Variants in PDZRN4 observed in about 807,000 individuals in gnomAD.
The protein encoded by PDZRN4 is PDZ domain containing ring finger 4, also known as PDZ domain-containing RING finger protein 4.
PDZRN4 carries 70 observed loss-of-function variants against 99.0 expected under a neutral mutation model. That is an observed-to-expected ratio of 0.71 (90% CI 0.58 to 0.86). The LOEUF is 0.86. Ranked by LOEUF, PDZRN4 falls within the 40% of genes least tolerant of loss-of-function variation. The probability of loss-of-function intolerance (pLI) is 0.00; values close to 1 mark genes in which losing one functional copy is unlikely to be tolerated. For synonymous variants in PDZRN4, 551 were observed against 501.6 expected (o/e 1.10, Z -1.32); for missense variants, 1,474 against 1,331.2 (o/e 1.11, Z -1.67).
intron 3 of PDZRN4, among the ~76,000 whole-genome samples, chr12:41,219,077 A>G (rs1950938286): frequency 6.6e-6 from 1 of 151,694 alleles, no homozygotes; most frequent in African/African-American, 2.4e-5. Flanking sequence ...GTAAAAATAA[A>G]TGGTGTCTGA....
chr12:41,510,696 A>G (rs1435507461), intron 5 of PDZRN4, among the ~76,000 whole-genome samples: 1 of 152,120 alleles, frequency 6.6e-6, no homozygotes, highest in Admixed American at 6.6e-5. Context: ...GATGTCATAC[A>G]AGTTCAGCAA....
chr12:41,286,187 T>G (rs924703925), intron 3 of PDZRN4, among the ~76,000 whole-genome samples: 6 of 152,038 alleles, frequency 3.9e-5, no homozygotes, highest in Non-Finnish European at 5.9e-5. Context: ...TATTTTGTAT[T>G]TAAGTATGCT....
intron 3 of PDZRN4, among the ~76,000 whole-genome samples, chr12:41,502,651 T>C (rs1938131394): frequency 6.6e-6 from 1 of 152,136 alleles, no homozygotes; most frequent in Admixed American, 6.6e-5. Context: ...CTACCTATTT[T>C]AAATGGGACT....
intron 3 of PDZRN4, among the ~76,000 whole-genome samples, chr12:41,280,993 T>G (rs536588595): frequency 6.6e-6 from 1 of 152,144 alleles, no homozygotes; most frequent in Non-Finnish European, 1.5e-5. Context: ...GGTTCCCCTC[T>G]GGGACAAAGC....
At chr12:41,222,278 A>T (rs149376150) in intron 3 of PDZRN4, among the ~76,000 whole-genome samples, 70 of 152,226 alleles carry the variant, frequency 4.6e-4, no homozygotes, top group Middle Eastern at 3.4e-3. Context: ...TTAACTTTTT[A>T]AAAAAATGTT....
chr12:41,384,089 G>A (rs1192895965), intron 3 of PDZRN4, among the ~76,000 whole-genome samples: 3 of 137,792 alleles, frequency 2.2e-5, no homozygotes, highest in East Asian at 2.2e-4. Flanking sequence ...TGCAACCTTC[G>A]CCTCCCGGGT....
intron 7 of PDZRN4, 103 bp downstream of exon 7, chr12:41,555,863 T>C (rs1939151187): frequency 6.1e-6 from 6 of 978,656 alleles, no homozygotes; most frequent in Non-Finnish European, 8.0e-6. Flanking sequence ...GTCTTTGCTT[T>C]TGGATACTAA....
intron 3 of PDZRN4, among the ~76,000 whole-genome samples, chr12:41,324,169 G>T (rs1387908469): frequency 1.3e-5 from 2 of 151,982 alleles, no homozygotes; most frequent in African/African-American, 2.4e-5. Context: ...AAAATGATCT[G>T]ATTTTTCCTT....
chr12:41,249,247 C>T (rs77451740), intron 3 of PDZRN4, among the ~76,000 whole-genome samples: 4 of 152,008 alleles, frequency 2.6e-5, no homozygotes, highest in African/African-American at 9.7e-5. Context: ...TGGCAAAAAT[C>T]GCAAGTACTT....
At chr12:41,282,331 A>G (rs184080789) in intron 3 of PDZRN4, among the ~76,000 whole-genome samples, 9 of 152,366 alleles carry the variant, frequency 5.9e-5, no homozygotes, top group Admixed American at 2.6e-4. Context: ...ACTATCCTAA[A>G]TATATATGCA....
intron 3 of PDZRN4, among the ~76,000 whole-genome samples, chr12:41,215,856 T>TA (rs1950917590): frequency 6.6e-6 from 1 of 151,698 alleles, no homozygotes; most frequent in South Asian, 2.1e-4. Context: ...CCATAGTTTT[T>TA]TTTTTTAATC....
At chr12:41,307,587 A>G (rs1036344512) in intron 3 of PDZRN4, among the ~76,000 whole-genome samples, 11 of 149,130 alleles carry the variant, frequency 7.4e-5, no homozygotes, top group African/African-American at 2.7e-4. Flanking sequence ...TCCTTACATG[A>G]AGAAGGAACT....
intron 5 of PDZRN4, among the ~76,000 whole-genome samples, chr12:41,516,656 T>C (rs763447584): frequency 3.3e-5 from 5 of 152,074 alleles, no homozygotes; most frequent in Non-Finnish European, 7.4e-5. Context: ...CCCTGGTAGA[T>C]AGACATGCTA....
intron 3 of PDZRN4, among the ~76,000 whole-genome samples, chr12:41,351,473 G>A (rs1207623967): frequency 6.6e-6 from 1 of 152,002 alleles, no homozygotes; most frequent in Non-Finnish European, 1.5e-5. Context: ...ATTGGCTTAT[G>A]GTTCTATAGG....
At chr12:41,525,447 A>G (rs1340197665) in intron 5 of PDZRN4, among the ~76,000 whole-genome samples, 1 of 152,190 alleles carries the variant, frequency 6.6e-6, no homozygotes, top group African/African-American at 2.4e-5. Context: ...ATGAGATAAT[A>G]TATAAGAACA....
intron 3 of PDZRN4, among the ~76,000 whole-genome samples, chr12:41,276,398 G>C (rs983292936): frequency 2.0e-5 from 3 of 152,024 alleles, no homozygotes; most frequent in Non-Finnish European, 4.4e-5. Flanking sequence ...AGTTTAACGA[G>C]TAGACCCTGG....
At chr12:41,257,721 G>A (rs761187008) in intron 3 of PDZRN4, among the ~76,000 whole-genome samples, 87 of 152,146 alleles carry the variant, frequency 5.7e-4, no homozygotes, top group Non-Finnish European at 6.8e-4. Context: ...TTTCAATTGT[G>A]TTTATTTTGA....
At chr12:41,527,516 T>C (rs1335574661) in intron 5 of PDZRN4, among the ~76,000 whole-genome samples, 2 of 152,138 alleles carry the variant, frequency 1.3e-5, no homozygotes, top group East Asian at 3.9e-4. Context: ...AGTTGGGATA[T>C]GAAAATAACT....
At chr12:41,255,215 G>A (rs1344928316) in intron 3 of PDZRN4, among the ~76,000 whole-genome samples, 1 of 152,090 alleles carries the variant, frequency 6.6e-6, no homozygotes, top group African/African-American at 2.4e-5. Flanking sequence ...CAGTGGGGAA[G>A]TGGTGAGGGA....
Sources: allele counts gnomAD v4.1 joint callset (sites outside exome capture counted in the v4.1 genomes callset), GRCh38; gene constraint gnomAD v4.1.1; transcripts MANE v1.5; gene names NCBI Gene and HGNC (gene_info 2026-07-23, HGNC 2026-07-21).